The following TMPRSS9 variants were observed in gnomAD, a reference collection of about 807,000 sequenced individuals.
TMPRSS9 encodes the protein transmembrane protease serine 9.
A neutral mutation model predicts 111.4 loss-of-function variants in TMPRSS9; 113 were observed. The observed-to-expected ratio is 1.01, with a 90% CI of 0.87 to 1.19. The LOEUF (loss-of-function observed/expected upper bound fraction) is 1.19, where lower values mean the gene tolerates loss of function less well. TMPRSS9 is among the 50% of genes most tolerant of loss of function. The pLI is 0.00. For synonymous variants in TMPRSS9, 805 were observed against 659.1 expected (o/e 1.22, Z -3.39); for missense variants, 1,803 against 1,513.1 (o/e 1.19, Z -3.18).
chr19:2,396,616 C>G (rs142862960), exon 2 of TMPRSS9: 2 of 1,602,012 alleles, frequency 1.2e-6, no homozygotes, highest in African/African-American at 1.3e-5. Flanking sequence ...CAGTTTGCGG[C>G]GGGAGACCTC....
At chr19:2,398,509 T>C (rs554555052) in intron 2 of TMPRSS9, among the ~76,000 whole-genome samples, 1 of 152,016 alleles carries the variant, frequency 6.6e-6, no homozygotes, top group East Asian at 1.9e-4. Flanking sequence ...TCCCAGCTTC[T>C]TGGGAGGCTG....
intron 3 of TMPRSS9, 61 bp from the exon 5 acceptor site, chr19:2,398,947 TAGAAGATTCC>T (rs1448899365): frequency 2.1e-5 from 33 of 1,547,968 alleles, no homozygotes; most frequent in Admixed American, 1.9e-4. Flanking sequence ...TGGAAGATTC[TAGAAGATTCC>T]AGAAGATTCC....
At chr19:2,418,405 C>T (rs1329306859) in intron 13 of TMPRSS9, among the ~76,000 whole-genome samples, 1 of 35,994 alleles carries the variant, frequency 2.8e-5, no homozygotes, top group Non-Finnish European at 5.3e-5. Flanking sequence ...CTGGCCTTTC[C>T]TTCCATTCCT....
At chr19:2,364,990 AAAG>A (rs1178516154) in intron 1 of TMPRSS9, among the ~76,000 whole-genome samples, 2 of 151,962 alleles carry the variant, frequency 1.3e-5, no homozygotes, top group Non-Finnish European at 2.9e-5. Flanking sequence ...AAAAAAAAAA[AAAG>A]AGCAAAACTG....
upstream of TMPRSS9, chr19:2,389,738 C>G: frequency 1.3e-6 from 2 of 1,574,746 alleles, no homozygotes; most frequent in Non-Finnish European, 1.7e-6. Context: ...CCCCGTGTTT[C>G]TGTCTTGCTG....
intron 9 of TMPRSS9, 73 bp from the exon 11 acceptor site, chr19:2,413,627 C>T: frequency 1.3e-6 from 2 of 1,508,008 alleles, no homozygotes; most frequent in African/African-American, 1.4e-5. Context: ...AGAGCTCCTT[C>T]TTGGGCCTCG....
intron 1 of TMPRSS9, among the ~76,000 whole-genome samples, chr19:2,370,478 A>G (rs8102051): frequency 6.7e-6 from 1 of 149,782 alleles, no homozygotes; most frequent in Non-Finnish European, 1.5e-5. Flanking sequence ...GTTGCAGGCT[A>G]CACCATGCCT....
intron 9 of TMPRSS9, among the ~76,000 whole-genome samples, chr19:2,413,263 TAAA>T (rs911231613): frequency 1.3e-5 from 2 of 151,802 alleles, no homozygotes; most frequent in Non-Finnish European, 2.9e-5. Context: ...TATGGGAAGG[TAAA>T]AAATGGTGAG....
chr19:2,396,538 G>T lies in TMPRSS9; in HGVS notation c.143-1G>T. The T allele has an allele frequency of 6.2e-7, 1 of 1,602,238 alleles. No individual in the cohort carries two copies. On this transcript the variant is annotated splice_acceptor_variant, in intron 1 of 17. Transcript: ENST00000648592. LOFTEE classifies it high-confidence loss of function. The stretch of plus-strand genomic sequence containing the variant: ...CTCACGGGCCCTGGTCTCGTCCCCA[G>T]CCTTCCTCTCTACACAGGGCTTCCA...
intron 2 of TMPRSS9, 48 bp downstream of exon 3, chr19:2,396,714 G>A (rs749702968): frequency 5.1e-6 from 8 of 1,558,664 alleles, no homozygotes; most frequent in African/African-American, 4.1e-5. Context: ...GCGGGTGGCC[G>A]GGGGCTTTGA....
chr19:2,393,323 A>G (rs1286797375), intron 1 of TMPRSS9, among the ~76,000 whole-genome samples: 1 of 152,174 alleles, frequency 6.6e-6, no homozygotes, highest in East Asian at 1.9e-4. Flanking sequence ...ACCCACCAGG[A>G]GGAATGAACA....
chr19:2,404,552 A>C (rs969968091), intron 6 of TMPRSS9, among the ~76,000 whole-genome samples: 1 of 151,824 alleles, frequency 6.6e-6, no homozygotes, highest in African/African-American at 2.4e-5. Flanking sequence ...CAAAAAAAAA[A>C]AAGCTGTCAT....
chr19:2,369,318 G>A (rs186919465), intron 1 of TMPRSS9, among the ~76,000 whole-genome samples: 4 of 152,326 alleles, frequency 2.6e-5, no homozygotes, highest in Admixed American at 2.6e-4. Flanking sequence ...GAGCTGAGAA[G>A]ACTGTGGGAG....
chr19:2,386,598 C>T (rs529838668), upstream of TMPRSS9, among the ~76,000 whole-genome samples: 7 of 152,148 alleles, frequency 4.6e-5, no homozygotes, highest in African/African-American at 1.4e-4. Context: ...TAAAGTGTGA[C>T]GAGAACATAG....
At chr19:2,408,397 C>G (rs751618498) in exon 8 of TMPRSS9, 2 of 1,613,878 alleles carry the variant, frequency 1.2e-6, no homozygotes, top group Admixed American at 1.7e-5. Context: ...GTGGGTGCGA[C>G]CTACCTCAGC....
At chr19:2,415,520 C>T (rs543542758) in intron 10 of TMPRSS9, 150 bp from the exon 12 acceptor site, 1 of 723,290 alleles carries the variant, frequency 1.4e-6, no homozygotes, top group African/African-American at 1.8e-5. Context: ...CTACGGACAC[C>T]TTGAAGCCTC....
At position 2,378,672 on chromosome 19, in the gene TMPRSS9, T is replaced by A. The variant is rs146775014; in HGVS notation, c.-25-11089T>A. 6.4e-3 allele frequency among the ~76,000 whole-genome samples: 972 copies of A among 152,260 alleles called. 11 individuals carry two copies. The highest frequency in any genetic ancestry group is 0.022 in the African/African-American group (918 of 41,546). On this transcript the variant is annotated intron_variant, in intron 1 of 17. Coordinates refer to the TMPRSS9 transcript ENST00000649857. ...GGCAGAGGTTGCAGTGAGCCAAGAT[T>A]GTGCCACTGCACTCCAGCCTGGGGG...
At chr19:2,390,495 A>G (rs1205715047) in intron 1 of TMPRSS9, among the ~76,000 whole-genome samples, 14 of 149,438 alleles carry the variant, frequency 9.4e-5, no homozygotes, top group Non-Finnish European at 1.8e-4. Context: ...CGCCCGCCTC[A>G]GCCTCCCAAA....
intron 15 of TMPRSS9, 59 bp downstream of exon 16, chr19:2,424,316 C>G: frequency 1.5e-6 from 2 of 1,290,484 alleles, no homozygotes; most frequent in Admixed American, 3.5e-5. Context: ...CGGAACCGAA[C>G]TGTTGCCCGA....
Sources: allele counts gnomAD v4.1 joint callset (sites outside exome capture counted in the v4.1 genomes callset), GRCh38; gene constraint gnomAD v4.1.1; transcripts MANE v1.5; gene names NCBI Gene and HGNC (gene_info 2026-07-23, HGNC 2026-07-21).